The following MLH3 variants were observed in gnomAD, a reference collection of about 807,000 sequenced individuals.
MLH3 encodes the protein DNA mismatch repair protein Mlh3.
MLH3 carries 82 observed loss-of-function variants against 122.2 expected under a neutral mutation model. The ratio of observed to expected loss-of-function variants is 0.67; its 90% CI spans 0.56 to 0.81. The LOEUF is 0.81. Ranked by LOEUF, MLH3 falls within the 30% of genes least tolerant of loss-of-function variation. The pLI is 0.00. For missense variants in MLH3, 1,539 were observed against 1,714.5 expected (o/e 0.90, Z 1.81); for synonymous variants, 524 against 599.5 (o/e 0.87, Z 1.84).
chr14:75,038,480 G>C (rs1891578306), intron 5 of MLH3, 68 bp from the exon 6 acceptor site: 1 of 992,904 alleles, frequency 1.0e-6, no homozygotes, highest in Admixed American at 1.7e-5. Flanking sequence ...TGCATAGAAA[G>C]ATACAGAACT....
intron 5 of MLH3, among the ~76,000 whole-genome samples, chr14:75,039,079 G>T (rs1306548740): frequency 1.3e-5 from 2 of 152,028 alleles, no homozygotes; most frequent in Non-Finnish European, 2.9e-5. Context: ...GGATGGTCTC[G>T]AACTCCTGAC....
chr14:75,029,147 AAAGAAAGAAAG>A (rs1345010754), intron 9 of MLH3, among the ~76,000 whole-genome samples: 5 of 107,810 alleles, frequency 4.6e-5, no homozygotes, highest in African/African-American at 1.0e-4. Context: ...AAAAAAAAAA[AAAGAAAGAAAG>A]AAAGAAAGAA....
chr14:75,039,149 G>A (rs577344940), intron 5 of MLH3, among the ~76,000 whole-genome samples: 100 of 152,220 alleles, frequency 6.6e-4, no homozygotes, highest in Non-Finnish European at 1.2e-3. Context: ...GAGCCAGCGC[G>A]CCCGGCTGCT....
At chr14:75,026,462 T>G (rs1300041350) in intron 9 of MLH3, among the ~76,000 whole-genome samples, 2 of 152,086 alleles carry the variant, frequency 1.3e-5, no homozygotes, top group East Asian at 1.9e-4. Context: ...GTGAGGAGAT[T>G]TCACAGAATG....
At chr14:75,049,991 C>T (rs1892558233) in intron 1 of MLH3, among the ~76,000 whole-genome samples, 1 of 152,176 alleles carries the variant, frequency 6.6e-6, no homozygotes, top group Admixed American at 6.5e-5. Flanking sequence ...TTGAAGTTGA[C>T]CAGTAAACAC....
In MLH3 at chr14:75,048,939, G is replaced by A. The variant is rs1892465733; in HGVS notation, c.717C>T (p.Ile239=). 6.2e-7 allele frequency: 1 copy of A among 1,613,212 alleles called. No individual in the cohort carries two copies. The change falls in exon 2 of 13, where the codon ATC becomes ATT. Residue 239 remains isoleucine (I), a synonymous_variant. Coordinates refer to ENST00000355774, the MANE Select transcript of MLH3 (RefSeq NM_001040108.2). ...TCTTGTTGTAATGTGCTTCAGAGCT[G>A]ATATAGCCACTAAGCTCAAACTCTT... ...KYKEFELSGY[I]SSEAHYNKNM... is the part of the protein sequence containing the mutation.
In MLH3 at chr14:75,047,617, C is replaced by T. The variant is rs2139571221; in HGVS notation, c.2039G>A (p.Ser680Asn). 4 of 1,614,012 alleles carry T rather than the reference C, an allele frequency of 2.5e-6. No individual in the cohort carries two copies. The highest frequency in any genetic ancestry group is 2.5e-6 in the Non-Finnish European group (3 of 1,179,980). The change falls in exon 2 of 13, where the codon AGT becomes AAT. Residue 680 changes from serine to asparagine, a missense_variant. Coordinates refer to ENST00000355774, the MANE Select transcript of MLH3 (RefSeq NM_001040108.2). Reference sequence around the variant, plus strand: ...TGTAGGTTCATTCTCTAGCCCATAACTTATATTCGTTCTGCAATTTTTTTT... The same window carrying T: ...TGTAGGTTCATTCTCTAGCCCATAATTTATATTCGTTCTGCAATTTTTTTT... ...PNKKNCRTNI[S>N]YGLENEPTAT...
intron 5 of MLH3, among the ~76,000 whole-genome samples, chr14:75,039,215 C>T (rs1384699233): frequency 1.3e-5 from 2 of 152,222 alleles, no homozygotes; most frequent in East Asian, 3.9e-4. Context: ...TTGGTGGTTC[C>T]TCTCTGTCTA....
At chr14:75,042,285 TGGC>T (rs1891906976) in intron 3 of MLH3, 91 bp downstream of exon 3, 1 of 1,016,220 alleles carries the variant, frequency 9.8e-7, no homozygotes, top group African/African-American at 1.6e-5. Flanking sequence ...ACAGCACAGC[TGGC>T]ACTGATCAAG....
intron 2 of MLH3, among the ~76,000 whole-genome samples, chr14:75,045,030 C>A (rs1479806115): frequency 2.6e-5 from 4 of 152,106 alleles, no homozygotes; most frequent in Admixed American, 6.6e-5. Flanking sequence ...CCCTGTGGTA[C>A]GATCTAAAAG....
chr14:75,034,307 T>C (rs1891244892), intron 6 of MLH3, among the ~76,000 whole-genome samples: 1 of 152,162 alleles, frequency 6.6e-6, no homozygotes, highest in African/African-American at 2.4e-5. Flanking sequence ...TGATAAAGGA[T>C]CGTTAAACAA....
rs61752722 is a variant in MLH3 at position 75,047,231 on chromosome 14, T to C, written c.2425A>G (p.Met809Val). Residue 809 changes from methionine (M) to valine (V), a missense_variant, in exon 2 of 13, where the codon ATG becomes GTG. Met to Val is a conservative substitution (Grantham distance 21). Coordinates refer to ENST00000355774, the MANE Select transcript of MLH3 (RefSeq NM_001040108.2). Reference sequence around the variant, plus strand: ...CTACTATCTGAATCACTATGCTCCATAGTAGTGATTTTACAAACATCAGAG... The same window carrying C: ...CTACTATCTGAATCACTATGCTCCACAGTAGTGATTTTACAAACATCAGAG... ...ENSDVCKITT[M>V]EHSDSDSSCQ... is the part of the protein sequence containing the mutation. 4,012 of 1,614,142 alleles carry C rather than the reference T, an allele frequency of 2.5e-3. 15 individuals are homozygous for C. Among genetic ancestry groups the C allele is most frequent in the Non-Finnish European group, 2.9e-3 (3,366 of 1,180,000 alleles).
At chr14:75,023,063 T>C (rs374103070) in intron 9 of MLH3, 45 bp from the exon 10 acceptor site, 129 of 1,608,554 alleles carry the variant, frequency 8.0e-5, no homozygotes, top group Non-Finnish European at 1.0e-4. Context: ...GGTTATGTTT[T>C]ACTTGCCCTT....
At chr14:75,028,153 TTCTC>T (rs1364168188) in intron 9 of MLH3, among the ~76,000 whole-genome samples, 1 of 152,000 alleles carries the variant, frequency 6.6e-6, no homozygotes, top group Non-Finnish European at 1.5e-5. Flanking sequence ...AAAGTAATAG[TTCTC>T]TCTAATACCT....
At chr14:75,026,453 T>C (rs987240085) in intron 9 of MLH3, among the ~76,000 whole-genome samples, 1 of 151,950 alleles carries the variant, frequency 6.6e-6, no homozygotes, top group Non-Finnish European at 1.5e-5. Flanking sequence ...GGAAGATAAG[T>C]GAGGAGATTT....
intron 2 of MLH3, 115 bp from the exon 3 acceptor site, chr14:75,042,592 A>C (rs896236759): frequency 4.1e-6 from 3 of 726,200 alleles, no homozygotes; most frequent in Non-Finnish European, 7.2e-6. Context: ...CATAAAGCAG[A>C]CTACTAAACA....
Position 75,025,285 on chromosome 14 carries a change from A to G in MLH3, c.3988-2267T>C, listed in dbSNP as rs566495200. 4.6e-5 allele frequency among the ~76,000 whole-genome samples: 7 copies of G among 152,058 alleles called. No homozygotes were observed. In the South Asian group the frequency reaches 1.2e-3, roughly 27 times the overall value. On this transcript the variant is annotated intron_variant, in intron 9 of 12. Transcript: ENST00000355774. ...CTTCCTCCTGCTTCACGCACTCCTG[A>G]CTCACTGCACTCTTATCTTCTGCCC...
In MLH3 at chr14:75,016,767, C is replaced by A; in HGVS notation, c.*315G>T. 8.4e-5 allele frequency: 25 copies of A among 297,744 alleles called. No individual in the cohort carries two copies. Among genetic ancestry groups the A allele is most frequent in the South Asian group, 2.1e-4 (6 of 28,744 alleles). 18.4% of individuals were successfully genotyped at this position (297,744 alleles called of 1,614,324 possible). A position where few individuals can be genotyped will look rare whatever the true frequency, so the allele number is the denominator to read the frequency against. ...AACAAAAATCACACCCTTCAAATAA[C>A]AAACCAAGCAACCAATCAAACTGTC... is the stretch of plus-strand genomic sequence containing the variant. On this transcript the variant is annotated 3_prime_UTR_variant, in exon 13 of 13. Transcript: ENST00000355774.
intron 8 of MLH3, 83 bp downstream of exon 8, chr14:75,031,985 T>C (rs1891080104): frequency 5.2e-6 from 5 of 956,726 alleles, no homozygotes; most frequent in Admixed American, 3.7e-5. Context: ...ATCTGAGAAA[T>C]GGAACAATAG....
Sources: gnomAD v4.1 joint callset for allele counts (sites outside exome capture counted in the v4.1 genomes callset) on GRCh38, gnomAD v4.1.1 for gene constraint, MANE v1.5 for transcripts, NCBI Gene and HGNC (gene_info 2026-07-23, HGNC 2026-07-21) for gene names.